Variants in PSME3 observed in about 807,000 individuals in gnomAD.
PSME3 encodes the protein proteasome activator complex subunit 3.
PSME3 carries 7 observed loss-of-function variants against 38.3 expected under a neutral mutation model. The observed-to-expected ratio is 0.18, with a 90% CI of 0.10 to 0.34. PSME3 has a LOEUF of 0.34. Ranked by LOEUF, PSME3 falls within the 10% of genes least tolerant of loss-of-function variation. PSME3 has a pLI of 1.00. For synonymous variants in PSME3, 108 were observed against 105.7 expected (o/e 1.02, Z -0.13); for missense variants, 192 against 307.6 (o/e 0.62, Z 2.81).
intron 4 of PSME3, 152 bp downstream of exon 4, chr17:42,835,028 T>C: frequency 9.1e-7 from 1 of 1,093,070 alleles, no homozygotes. Context: ...TATAGTTCTT[T>C]TATTTCTTAT....
chr17:42,838,262 A>G (rs1355664898), intron 6 of PSME3, 57 bp downstream of exon 6: 4 of 1,608,514 alleles, frequency 2.5e-6, no homozygotes, highest in African/African-American at 2.7e-5. Context: ...CTGAAGTGCA[A>G]AAAACAGTGG....
At chr17:42,840,356 A>G (rs2055516807) in intron 10 of PSME3, among the ~76,000 whole-genome samples, 1 of 152,172 alleles carries the variant, frequency 6.6e-6, no homozygotes, top group South Asian at 2.1e-4. Context: ...CTGTAATGCC[A>G]GCACTGTGGG....
chr17:42,840,198 G>C (rs1040099776), intron 10 of PSME3, among the ~76,000 whole-genome samples: 1 of 147,986 alleles, frequency 6.8e-6, no homozygotes, highest in African/African-American at 2.5e-5. Flanking sequence ...CGGGAGAATT[G>C]CTTGAACCCG....
intron 1 of PSME3, 198 bp downstream of exon 1, chr17:42,833,871 T>C (rs868313290): frequency 1.3e-6 from 2 of 1,482,668 alleles, no homozygotes; most frequent in Non-Finnish European, 1.8e-6. Flanking sequence ...CCGCGTCTGA[T>C]GATGGAGAGT....
intron 4 of PSME3, among the ~76,000 whole-genome samples, chr17:42,837,178 G>C (rs144283129): frequency 6.6e-6 from 1 of 152,260 alleles, no homozygotes; most frequent in African/African-American, 2.4e-5. Context: ...AGCCTCCCAA[G>C]TAGCTGGGAT....
At chr17:42,837,047 A>AT (rs1296530765) in intron 4 of PSME3, among the ~76,000 whole-genome samples, 1 of 150,094 alleles carries the variant, frequency 6.7e-6, no homozygotes, top group Non-Finnish European at 1.5e-5. Flanking sequence ...CACCCGGCTA[A>AT]TTTTTTTTAT....
Position 42,837,653 on chromosome 17 carries a change from C to T in PSME3, c.248C>T (p.Thr83Ile). 2 of 1,614,088 alleles carry T rather than the reference C, an allele frequency of 1.2e-6. No individual in the cohort carries two copies. Among genetic ancestry groups the T allele is most frequent in the Non-Finnish European group, 1.7e-6 (2 of 1,180,002 alleles). The change falls in exon 5 of 11, where the codon ACT (threonine) becomes ATT (isoleucine). Residue 83 changes from threonine to isoleucine, a missense_variant. This residue lies in a region of PSME3 where 110 missense variants were observed against 139.3 expected (regional missense o/e 0.79). Coordinates refer to ENST00000590720, the MANE Select transcript of PSME3 (RefSeq NM_005789.4). ...TNSHDGLDGP[T>I]YKKRRLDECE... The stretch of plus-strand genomic sequence containing the variant: ...CCTGCCTCTTTGTATCCTTAGCCCA[C>T]TTATAAGAAGCGAAGGTTGGATGAG...
chr17:42,833,752 T>A (rs1376491428), intron 1 of PSME3, 79 bp downstream of exon 1: 1 of 1,613,016 alleles, frequency 6.2e-7, no homozygotes, highest in African/African-American at 1.3e-5. Flanking sequence ...CCCCATGGCG[T>A]CTTTGTCTCC....
At chr17:42,838,547 A>G in intron 6 of PSME3, 184 bp from the exon 7 acceptor site, 1 of 677,234 alleles carries the variant, frequency 1.5e-6, no homozygotes. Context: ...CGAACTCCTG[A>G]CCTCAGGTGA....
intron 1 of PSME3, 53 bp downstream of exon 1, chr17:42,833,726 T>C (rs778044934): frequency 1.2e-6 from 2 of 1,614,212 alleles, no homozygotes. Context: ...CCCAGCAGTC[T>C]GACCGGCTTC....
At chr17:42,834,701 C>T in intron 3 of PSME3, 71 bp from the exon 4 acceptor site, 1 of 1,603,798 alleles carries the variant, frequency 6.2e-7, no homozygotes, top group Non-Finnish European at 8.5e-7. Flanking sequence ...ACTTTCATTT[C>T]TTGCTCTTCA....
intron 6 of PSME3, 142 bp downstream of exon 6, chr17:42,838,347 A>G: frequency 7.1e-7 from 1 of 1,403,542 alleles, no homozygotes; most frequent in Non-Finnish European, 9.4e-7. Flanking sequence ...TCGCTCCATC[A>G]CCCAGGTTGG....
chr17:42,836,313 C>T (rs542940693), intron 4 of PSME3, among the ~76,000 whole-genome samples: 1 of 152,064 alleles, frequency 6.6e-6, no homozygotes, highest in Non-Finnish European at 1.5e-5. Flanking sequence ...CCGGCAGGAG[C>T]TATCTTAATC....
chr17:42,837,543 C>A, intron 4 of PSME3, 106 bp from the exon 5 acceptor site: 1 of 1,177,414 alleles, frequency 8.5e-7, no homozygotes, highest in Non-Finnish European at 1.3e-6. Flanking sequence ...AAATTAATAA[C>A]ATAAGCTATG....
At position 42,839,287 on chromosome 17, in the gene PSME3, C is replaced by T. The variant is rs1043626055; in HGVS notation, c.598-7C>T. 10 of 1,612,054 alleles carry T rather than the reference C, an allele frequency of 6.2e-6. No individual in the cohort carries two copies. The highest frequency in any genetic ancestry group is 8.5e-6 in the Non-Finnish European group (10 of 1,178,122). On this transcript the variant is annotated splice_polypyrimidine_tract_variant and splice_region_variant and intron_variant, in intron 9 of 10. Transcript: ENST00000590720. The stretch of plus-strand genomic sequence containing the variant: ...GGGACTAGCTTTTTCCTGTACCCTC[C>T]TTGCAGGAGGACTATCGCCGCACCG...
rs1341073673 is a variant in PSME3, at chr17:42,837,649, C to G, written c.244C>G (p.Pro82Ala). ...CATCCCTGCCTCTTTGTATCCTTAG[C>G]CCACTTATAAGAAGCGAAGGTTGGA... ...LTNSHDGLDG[P>A]TYKKRRLDEC... The change falls in exon 5 of 11, where the codon CCC (proline) becomes GCC (alanine). Residue 82 changes from proline to alanine, a missense_variant and splice_region_variant. Physicochemically the swap from Pro to Ala is conservative, Grantham distance 27 (BLOSUM62 -1). Transcript: ENST00000590720. The G allele has an allele frequency of 6.2e-7, 1 of 1,613,932 alleles. No individual in the cohort carries two copies. The highest frequency in any genetic ancestry group is 8.5e-7 in the Non-Finnish European group (1 of 1,179,980).
intron 4 of PSME3, among the ~76,000 whole-genome samples, chr17:42,836,109 A>T (rs2055460190): frequency 6.7e-6 from 1 of 148,290 alleles, no homozygotes; most frequent in African/African-American, 2.5e-5. Flanking sequence ...GGTTCAAGTG[A>T]TTCTCCCACC....
chr17:42,841,285 T>G (rs1482477899), intron 10 of PSME3, among the ~76,000 whole-genome samples: 1 of 152,184 alleles, frequency 6.6e-6, no homozygotes, highest in African/African-American at 2.4e-5. Context: ...TGATGTTATT[T>G]GAAACCAGGT....
Position 42,838,105 on chromosome 17 carries a change from T to C in PSME3, c.305T>C (p.Phe102Ser). The stretch of plus-strand genomic sequence containing the variant: ...ACATCTCTGCCAGGAACCAAGGTGT[T>C]TGTGATGCCCAATGGGATGCTGAAA... ...CEEAFQGTKV[F>S]VMPNGMLKSN... The change falls in exon 6 of 11, where the codon TTT becomes TCT. Residue 102 changes from phenylalanine (F) to serine (S), a missense_variant. Physicochemically the swap from Phe to Ser is radical, Grantham distance 155. Coordinates refer to ENST00000590720, the MANE Select transcript of PSME3 (RefSeq NM_005789.4). 4.3e-6 allele frequency: 7 copies of C among 1,614,050 alleles called. No individual in the cohort carries two copies. The highest frequency in any genetic ancestry group is 5.9e-6 in the Non-Finnish European group (7 of 1,179,988).
Sources: gnomAD v4.1 joint callset for allele counts (sites outside exome capture counted in the v4.1 genomes callset) on GRCh38, gnomAD v4.1.1 for gene constraint, gnomAD v4.1.1 regional missense constraint, MANE v1.5 for transcripts, NCBI Gene and HGNC (gene_info 2026-07-23, HGNC 2026-07-21) for gene names.